Variants in TNFRSF11B observed in about 807,000 individuals in gnomAD.
TNFRSF11B encodes the protein TNF receptor superfamily member 11b.
Under a neutral mutation model 43.4 loss-of-function variants are expected in TNFRSF11B, and 16 were observed. That is an observed-to-expected ratio of 0.37 (90% CI 0.25 to 0.56). TNFRSF11B has a LOEUF of 0.56. Ranked by LOEUF, TNFRSF11B falls within the 20% of genes least tolerant of loss-of-function variation. The pLI is 0.80. For missense variants in TNFRSF11B, 444 were observed against 490.1 expected (o/e 0.91, Z 0.89); for synonymous variants, 185 against 181.8 (o/e 1.02, Z -0.14).
In TNFRSF11B at chr8:118,944,822, A is replaced by G. The variant is rs188352815; in HGVS notation, c.30+6970T>C. Among the ~76,000 whole-genome samples the G allele has an allele frequency of 2.0e-5, 3 of 152,226 alleles. No homozygotes were observed. In the East Asian group the frequency reaches 5.8e-4, roughly 29 times the overall value. On this transcript the variant is annotated intron_variant, in intron 1 of 4. Coordinates refer to ENST00000297350, the MANE Select transcript of TNFRSF11B (RefSeq NM_002546.4). ...AGTTGTCAAGTACTTCCTTGTGAAT[A>G]CAAATTCAAAGAAAATTCCACTCAA...
chr8:118,933,361 T>C (rs1270735516), intron 1 of TNFRSF11B, 61 bp from the exon 2 acceptor site: 1 of 1,599,406 alleles, frequency 6.3e-7, no homozygotes, highest in Non-Finnish European at 8.5e-7. Flanking sequence ...TGTTCTTATG[T>C]GCAACAGTAT....
intron 1 of TNFRSF11B, among the ~76,000 whole-genome samples, chr8:118,947,174 T>C (rs1812576260): frequency 6.6e-6 from 1 of 152,190 alleles, no homozygotes; most frequent in Non-Finnish European, 1.5e-5. Context: ...ATGTGTATCT[T>C]TTCAAAGAGA....
At chr8:118,935,648 C>A (rs1319810989) in intron 1 of TNFRSF11B, among the ~76,000 whole-genome samples, 1 of 152,014 alleles carries the variant, frequency 6.6e-6, no homozygotes, top group African/African-American at 2.4e-5. Flanking sequence ...ATAGTGTAAT[C>A]AATTCTCAAT....
At chr8:118,942,183 A>C (rs1173260462) in intron 1 of TNFRSF11B, among the ~76,000 whole-genome samples, 2 of 151,692 alleles carry the variant, frequency 1.3e-5, no homozygotes, top group Non-Finnish European at 2.9e-5. Flanking sequence ...CTTGTCATTT[A>C]CATTAGGTAT....
chr8:118,945,031 G>T (rs1812536983), intron 1 of TNFRSF11B, among the ~76,000 whole-genome samples: 1 of 152,118 alleles, frequency 6.6e-6, no homozygotes, highest in African/African-American at 2.4e-5. Flanking sequence ...TGGCTTAAAA[G>T]AATAATTTTT....
In TNFRSF11B at chr8:118,932,999, C is replaced by A. The variant is rs200629343; in HGVS notation, c.332G>T (p.Arg111Leu). Residue 111 changes from arginine (R) to leucine (L), a missense_variant, in exon 2 of 5, where the codon CGC becomes CTC. Arg to Leu is a moderately radical substitution (Grantham distance 102). Coordinates refer to ENST00000297350, the MANE Select transcript of TNFRSF11B (RefSeq NM_002546.4). The stretch of plus-strand genomic sequence containing the variant: ...CAAGCAGAACTCTATCTCAAGGTAG[C>A]GCCCTTCCTTGCATTCGCACACGCG... ...HNRVCECKEG[R>L]YLEIEFCLKH... 4 of 1,614,150 alleles carry A rather than the reference C, an allele frequency of 2.5e-6. No individual in the cohort carries two copies. Among genetic ancestry groups the A allele is most frequent in the South Asian group, 1.1e-5 (1 of 91,082 alleles).
intron 1 of TNFRSF11B, among the ~76,000 whole-genome samples, chr8:118,942,056 T>C (rs1005587621): frequency 1.3e-5 from 2 of 152,176 alleles, no homozygotes; most frequent in African/African-American, 4.8e-5. Context: ...TTTTGTATGT[T>C]GATATTTTTG....
chr8:118,942,857 T>C (rs1424335613), intron 1 of TNFRSF11B, among the ~76,000 whole-genome samples: 1 of 152,082 alleles, frequency 6.6e-6, no homozygotes, highest in African/African-American at 2.4e-5. Flanking sequence ...AAGATTGACA[T>C]ATAAATGGTC....
In TNFRSF11B at chr8:118,936,640, A is replaced by T. The variant is rs1454885186; in HGVS notation, c.31-3340T>A. Among the ~76,000 whole-genome samples the T allele has an allele frequency of 2.0e-5, 3 of 152,234 alleles. No homozygotes were observed. The East Asian group carries it at 5.8e-4, about 29-fold the overall frequency. On this transcript the variant is annotated intron_variant, in intron 1 of 4. Transcript: ENST00000297350. ...TATTCAAAACCTAATAAAACCTTAAAAATTCATTTCTGTGTAAAATGCAGA... is the reference window on the plus strand; with the variant it reads ...TATTCAAAACCTAATAAAACCTTAATAATTCATTTCTGTGTAAAATGCAGA...
At chr8:118,928,642 GT>G (rs1348468670) in intron 3 of TNFRSF11B, 95 bp downstream of exon 3, 25 of 1,374,400 alleles carry the variant, frequency 1.8e-5, no homozygotes, top group Middle Eastern at 4.6e-4. Flanking sequence ...GAAAATGTAA[GT>G]TTGACCAAGA....
intron 1 of TNFRSF11B, among the ~76,000 whole-genome samples, chr8:118,948,268 A>G (rs1812594556): frequency 6.6e-6 from 1 of 152,110 alleles, no homozygotes; most frequent in Admixed American, 6.6e-5. Flanking sequence ...CCTTCAATAT[A>G]TTCCCCAGCC....
intron 3 of TNFRSF11B, among the ~76,000 whole-genome samples, chr8:118,927,332 GT>G (rs1353656292): frequency 2.6e-5 from 4 of 152,140 alleles, no homozygotes; most frequent in Non-Finnish European, 5.9e-5. Flanking sequence ...ATGGGTGTTT[GT>G]TTTTGGATTC....
intron 2 of TNFRSF11B, among the ~76,000 whole-genome samples, chr8:118,931,947 T>C (rs1461477082): frequency 6.6e-6 from 1 of 152,180 alleles, no homozygotes; most frequent in African/African-American, 2.4e-5. Context: ...AGGACTGCTA[T>C]TGGTATCTAG....
At chr8:118,947,418 C>T (rs3134063) in intron 1 of TNFRSF11B, among the ~76,000 whole-genome samples, 87,255 of 151,950 alleles carry the variant, frequency 0.57, 26,060 homozygotes, top group African/African-American at 0.75. Flanking sequence ...TGAAAATCTG[C>T]GCTTGCAAAG....
Position 118,926,412 on chromosome 8 carries a change from C to T in TNFRSF11B, c.817+82G>A, listed in dbSNP as rs1812243882. 11 of 1,266,278 alleles carry T rather than the reference C, an allele frequency of 8.7e-6. No individual in the cohort carries two copies. The South Asian group carries it at 9.7e-5, about 11-fold the overall frequency. The allele number at this position is 1,266,278 out of a possible 1,614,324, so 78.4% of individuals were successfully genotyped here. ...GGGAAACAAGATCCACACAACTAAA[C>T]ATACATGCAGTCTTGTTCCTGGTTT... On this transcript the variant is annotated intron_variant, in intron 4 of 4. Coordinates refer to ENST00000297350, the MANE Select transcript of TNFRSF11B (RefSeq NM_002546.4).
chr8:118,940,642 G>A (rs1746204412), intron 1 of TNFRSF11B, among the ~76,000 whole-genome samples: 1 of 152,160 alleles, frequency 6.6e-6, no homozygotes, highest in Admixed American at 6.5e-5. Flanking sequence ...GGTAGGAAGT[G>A]GAAGACATTT....
intron 1 of TNFRSF11B, among the ~76,000 whole-genome samples, chr8:118,944,835 A>T (rs2129919857): frequency 6.6e-6 from 1 of 152,286 alleles, no homozygotes; most frequent in African/African-American, 2.4e-5. Flanking sequence ...AATTCAAAGA[A>T]AATTCCACTC....
intron 1 of TNFRSF11B, among the ~76,000 whole-genome samples, chr8:118,940,408 C>T (rs1364457190): frequency 6.6e-6 from 1 of 152,152 alleles, no homozygotes; most frequent in African/African-American, 2.4e-5. Flanking sequence ...AACAAAAGCA[C>T]TTTCAGCTTG....
At chr8:118,949,747 A>G (rs1812613673) in intron 1 of TNFRSF11B, among the ~76,000 whole-genome samples, 2 of 152,174 alleles carry the variant, frequency 1.3e-5, no homozygotes, top group Non-Finnish European at 2.9e-5. Context: ...GGTGAAAGGA[A>G]TAGTGTCTAT....
Sources: allele counts gnomAD v4.1 joint callset (sites outside exome capture counted in the v4.1 genomes callset), GRCh38; gene constraint gnomAD v4.1.1; transcripts MANE v1.5; gene names NCBI Gene and HGNC (gene_info 2026-07-23, HGNC 2026-07-21).